The following GAREM2 variants were observed in gnomAD, a reference collection of about 807,000 sequenced individuals.
GAREM2 encodes GRB2 associated regulator of MAPK1 subtype 2.
Under a neutral mutation model 55.6 loss-of-function variants are expected in GAREM2, and 30 were observed. The observed-to-expected ratio is 0.54, with a 90% CI of 0.40 to 0.73. The LOEUF (loss-of-function observed/expected upper bound fraction) is 0.73. Among genes scored for constraint, GAREM2 ranks in the 30% least tolerant of loss-of-function variants. The probability of loss-of-function intolerance (pLI) is 0.00; values close to 1 mark genes in which losing one functional copy is unlikely to be tolerated. For missense variants in GAREM2, 1,075 were observed against 1,257.7 expected, an observed-to-expected ratio of 0.85 and a Z score of 2.20; for synonymous variants, 550 against 569.1, an observed-to-expected ratio of 0.97 and a Z score of 0.48.
chr2:26,186,087 T>C, intron 4 of GAREM2, 102 bp from the exon 5 acceptor site: 1 of 1,185,904 alleles, frequency 8.4e-7, no homozygotes, highest in Non-Finnish European at 1.1e-6. Context: ...GTGGGGCAAA[T>C]GTCAGGCCCA....
intron 4 of GAREM2, among the ~76,000 whole-genome samples, chr2:26,185,543 C>T (rs1574593834): frequency 6.6e-6 from 1 of 152,118 alleles, no homozygotes; most frequent in Non-Finnish European, 1.5e-5. Flanking sequence ...GCACTGTTAC[C>T]CAGAAGGTAC....
chr2:26,185,063 C>T lies in GAREM2; in HGVS notation c.1215C>T (p.Gly405=), dbSNP rs1296544950. Residue 405 remains glycine, a synonymous_variant, in exon 4 of 6, where the codon GGC becomes GGT. Coordinates refer to ENST00000401533, the MANE Select transcript of GAREM2 (RefSeq NM_001168241.2). ...GPLAPAPAGE[G]DQEYVSPDWA... ...TAGCGCCGGCTCCCGCCGGCGAGGG[C>T]GACCAGGAGTACGTGAGCCCCGACT... 4.7e-6 allele frequency: 6 copies of T among 1,263,562 alleles called. No homozygotes were observed. The highest frequency in any genetic ancestry group is 6.0e-6 in the Non-Finnish European group (6 of 1,005,580). The allele number at this position is 1,263,562 out of a possible 1,614,324, so 78.3% of individuals were successfully genotyped here. A position where few individuals can be genotyped will look rare whatever the true frequency, so the allele number is the denominator to read the frequency against.
At chr2:26,193,533 T>G (rs1669572916), downstream of GAREM2, 1 of 1,493,300 alleles carries the variant, frequency 6.7e-7, no homozygotes, top group Admixed American at 1.7e-5. Context: ...TGCTTAGAAC[T>G]TTGTAACTAA....
intron 4 of GAREM2, 31 bp from the exon 5 acceptor site, chr2:26,186,158 T>G: frequency 1.4e-6 from 2 of 1,462,198 alleles, no homozygotes; most frequent in Admixed American, 2.5e-5. Flanking sequence ...CTGTTTGGAG[T>G]CGAGGTGGAG....
chr2:26,200,944 G>A, the GAREM2 span, among the ~76,000 whole-genome samples: 1 of 152,226 alleles, frequency 6.6e-6, no homozygotes, highest in South Asian at 2.1e-4. Context: ...ATATCGGCCA[G>A]TCTGGTCTCG....
intron 2 of GAREM2, chr2:26,182,032 C>T: frequency 2.0e-6 from 2 of 1,000,438 alleles, no homozygotes; most frequent in African/African-American, 3.5e-5. Context: ...CTTGTTCCCT[C>T]ACCTATTCAT....
At position 26,184,758 on chromosome 2, in the gene GAREM2, G is replaced by A. The variant is rs1231328954; in HGVS notation, c.910G>A (p.Ala304Thr). The A allele has an allele frequency of 2.0e-6, 3 of 1,497,542 alleles. No individual in the cohort carries two copies. The highest frequency in any genetic ancestry group is 2.7e-6 in the Non-Finnish European group (3 of 1,129,154). The allele number at this position is 1,497,542 out of a possible 1,614,324, so 92.8% of individuals were successfully genotyped here. Residue 304 changes from alanine to threonine, a missense_variant, in exon 4 of 6, where the codon GCG (alanine) becomes ACG (threonine). Coordinates refer to ENST00000401533, the MANE Select transcript of GAREM2 (RefSeq NM_001168241.2). ...IISKTVVLGL[A>T]LRREGPAPLH... Reference sequence around the variant, plus strand: ...CTCCAAGACGGTGGTGCTGGGGCTGGCGCTGCGCCGCGAGGGCCCGGCGCC... The same window carrying A: ...CTCCAAGACGGTGGTGCTGGGGCTGACGCTGCGCCGCGAGGGCCCGGCGCC...
At chr2:26,191,720 A>C (rs925893560), downstream of GAREM2, 5 of 1,321,052 alleles carry the variant, frequency 3.8e-6, no homozygotes, top group East Asian at 9.2e-5. Context: ...GGATGGGTGC[A>C]TGGGGAGCTC....
chr2:26,184,616 C>T lies in GAREM2; in HGVS notation c.768C>T (p.Ala256=). The T allele has an allele frequency of 6.5e-7, 1 of 1,548,266 alleles. No homozygotes were observed. The highest frequency in any genetic ancestry group is 2.5e-5 in the East Asian group (1 of 40,722). ...QMQEGEHTVR[A]IIERVRLPVN... ...AAGAGGGCGAGCACACGGTGCGCGC[C>T]ATCATCGAGCGCGTGAGGCTGCCGG... Residue 256 remains alanine (A), a synonymous_variant, in exon 4 of 6, where the codon GCC becomes GCT. Transcript: ENST00000401533.
At chr2:26,196,094 C>T in the GAREM2 span, among the ~76,000 whole-genome samples, 1 of 152,220 alleles carries the variant, frequency 6.6e-6, no homozygotes, top group Non-Finnish European at 1.5e-5. Flanking sequence ...ACATTTACCA[C>T]TTATTCCTTA....
chr2:26,195,645 A>C, the GAREM2 span, among the ~76,000 whole-genome samples: 1 of 152,094 alleles, frequency 6.6e-6, no homozygotes, highest in African/African-American at 2.4e-5. Context: ...CTGTCAGAGA[A>C]GTATTTGCAT....
chr2:26,201,606 C>T, the GAREM2 span, among the ~76,000 whole-genome samples: 16 of 152,154 alleles, frequency 1.1e-4, no homozygotes, highest in African/African-American at 3.6e-4. Context: ...CTAAATCACT[C>T]TTAAACCAGT....
the GAREM2 span, chr2:26,204,044 G>A: frequency 1.2e-6 from 2 of 1,612,178 alleles, no homozygotes; most frequent in African/African-American, 1.3e-5. Context: ...CTCTTGCAAA[G>A]AGAGAGAGCA....
intron 1 of GAREM2, among the ~76,000 whole-genome samples, chr2:26,175,624 C>T (rs1295120650): frequency 1.3e-5 from 2 of 151,850 alleles, no homozygotes; most frequent in African/African-American, 4.8e-5. Context: ...CTGGGGACTC[C>T]CCCCCTCTCC....
chr2:26,185,243 G>A lies in GAREM2; in HGVS notation c.1395G>A (p.Ala465=). 6.6e-7 allele frequency: 1 copy of A among 1,521,010 alleles called. No individual in the cohort carries two copies. The highest frequency in any genetic ancestry group is 8.8e-7 in the Non-Finnish European group (1 of 1,141,110). 94.2% of individuals were successfully genotyped at this position (1,521,010 alleles called of 1,614,324 possible). ...GACCGCCGCGTCGGGAGCCGGAAGC[G>A]CCGCCGCCTCCAGTCCCTCCCAAAT... ...AAGPPRREPE[A]PPPPVPPKSE... is the part of the protein sequence containing the mutation. Residue 465 remains alanine, a synonymous_variant, in exon 4 of 6, where the codon GCG becomes GCA. Coordinates refer to ENST00000401533, the MANE Select transcript of GAREM2 (RefSeq NM_001168241.2).
In GAREM2 at chr2:26,188,002, A is replaced by G. The variant is rs866947301; in HGVS notation, c.2370A>G (p.Thr790=). Residue 790 remains threonine, a synonymous_variant, in exon 6 of 6, where the codon ACA becomes ACG. Coordinates refer to ENST00000401533, the MANE Select transcript of GAREM2 (RefSeq NM_001168241.2). The part of the protein sequence containing the change: ...GPPASPRDGA[T]GFGVRDASSW... ...CTGCCAGTCCCCGGGATGGAGCCAC[A>G]GGCTTTGGAGTCCGAGATGCCTCCT... The G allele has an allele frequency of 2.0e-6, 3 of 1,474,956 alleles. No individual in the cohort carries two copies. Among genetic ancestry groups the G allele is most frequent in the African/African-American group, 2.8e-5 (2 of 70,694 alleles). The allele number at this position is 1,474,956 out of a possible 1,614,324, so 91.4% of individuals were successfully genotyped here.
downstream of GAREM2, among the ~76,000 whole-genome samples, chr2:26,192,592 C>T (rs1280831192): frequency 6.6e-6 from 1 of 152,060 alleles, no homozygotes; most frequent in African/African-American, 2.4e-5. Flanking sequence ...TTGAGACCAG[C>T]CTGGCCAACA....
Position 26,187,734 on chromosome 2 carries a change from T to G in GAREM2, c.2102T>G (p.Phe701Cys). The G allele has an allele frequency of 1.4e-6, 2 of 1,462,586 alleles. No individual in the cohort carries two copies. The highest frequency in any genetic ancestry group is 1.8e-6 in the Non-Finnish European group (2 of 1,102,666). 90.6% of individuals were successfully genotyped at this position (1,462,586 alleles called of 1,614,324 possible). The change falls in exon 6 of 6, where the codon TTC (phenylalanine) becomes TGC (cysteine). Residue 701 changes from phenylalanine to cysteine, a missense_variant. Coordinates refer to ENST00000401533, the MANE Select transcript of GAREM2 (RefSeq NM_001168241.2). The stretch of plus-strand genomic sequence containing the variant: ...TGGCAGGAACCAGTCCTGGAGCCCT[T>G]CGATCCCTTTGAGCTGGGGCAGGGC... ...SEWQEPVLEP[F>C]DPFELGQGSS...
At chr2:26,196,845 C>G in the GAREM2 span, among the ~76,000 whole-genome samples, 6 of 152,210 alleles carry the variant, frequency 3.9e-5, no homozygotes, top group Non-Finnish European at 2.9e-5. Flanking sequence ...CATGGCCAGA[C>G]TGTCCATCTG....
Sources: gnomAD v4.1 joint callset for allele counts (sites outside exome capture counted in the v4.1 genomes callset) on GRCh38, gnomAD v4.1.1 for gene constraint, MANE v1.5 for transcripts, NCBI Gene and HGNC (gene_info 2026-07-23, HGNC 2026-07-21) for gene names.